Variants in FUCA1 observed in about 807,000 individuals in gnomAD.
FUCA1 encodes the protein tissue alpha-L-fucosidase.
Under a neutral mutation model 56.8 loss-of-function variants are expected in FUCA1, and 52 were observed. The ratio of observed to expected loss-of-function variants is 0.92; its 90% CI spans 0.73 to 1.15. FUCA1 has a LOEUF of 1.15. Among genes scored for constraint, FUCA1 ranks in the 50% most tolerant of loss-of-function variants. The probability of loss-of-function intolerance (pLI) is 0.00; values close to 1 mark genes in which losing one functional copy is unlikely to be tolerated. For missense variants in FUCA1, 568 were observed against 592.6 expected, an observed-to-expected ratio of 0.96 and a Z score of 0.43; for synonymous variants, 230 against 226.6, an observed-to-expected ratio of 1.02 and a Z score of -0.14.
In FUCA1 at chr1:23,867,972, G is replaced by A. The variant is rs1189226253; in HGVS notation, c.315C>T (p.Asp105=). 6.3e-7 allele frequency: 1 copy of A among 1,595,192 alleles called. No homozygotes were observed. The highest frequency in any genetic ancestry group is 1.3e-5 in the African/African-American group (1 of 74,848). Residue 105 remains aspartate (D), a synonymous_variant, in exon 1 of 8, where the codon GAC becomes GAT. Coordinates refer to ENST00000374479, the MANE Select transcript of FUCA1 (RefSeq NM_000147.5). This position sits in a 1 kb window ranked among gnomAD's most constrained non-coding sequence, Gnocchi z 4.9. ...DNYPPGFSYA[D]FGPQFTARFF... ...AGCGCGCAGTGAACTGCGGTCCGAA[G>A]TCGGCGTAGCTGAAGCCGGGCGGGT...
Position 23,859,923 on chromosome 1 carries a change from G to T in FUCA1, c.663-20C>A. 1 of 1,484,502 alleles carries T rather than the reference G, an allele frequency of 6.7e-7. No individual in the cohort carries two copies. Among genetic ancestry groups the T allele is most frequent in the Non-Finnish European group, 9.4e-7 (1 of 1,062,216 alleles). 92.0% of individuals were successfully genotyped at this position (1,484,502 alleles called of 1,614,324 possible). On this transcript the variant is annotated intron_variant, in intron 3 of 7. Transcript: ENST00000374479. Reference sequence around the variant, plus strand: ...TTATAGCTGGAAGACATGTGATCAGGACAGAGCTTATTATCTGAACATGTT... The same window carrying T: ...TTATAGCTGGAAGACATGTGATCAGTACAGAGCTTATTATCTGAACATGTT...
chr1:23,864,770 T>A (rs1639588763), intron 2 of FUCA1, among the ~76,000 whole-genome samples: 1 of 151,452 alleles, frequency 6.6e-6, no homozygotes, highest in African/African-American at 2.4e-5. Flanking sequence ...AGTGGTGCGA[T>A]CTTGGCTCAC....
Position 23,846,067 on chromosome 1 carries a change from T to G in FUCA1, c.1260+7A>C, listed in dbSNP as rs771229488. On this transcript the variant is annotated splice_region_variant and intron_variant, in intron 7 of 7. Coordinates refer to ENST00000374479, the MANE Select transcript of FUCA1 (RefSeq NM_000147.5). ...GTTACATCTTAAGACTGACTAAGCC[T>G]CTTTACCTTTGTAGTTGAGGTAGTT... 15 of 1,604,416 alleles carry G rather than the reference T, an allele frequency of 9.3e-6. 1 individual carries two copies. In the South Asian group the frequency reaches 1.2e-4, roughly 13 times the overall value.
intron 5 of FUCA1, among the ~76,000 whole-genome samples, chr1:23,853,167 G>A (rs1448941982): frequency 1.3e-4 from 15 of 118,976 alleles, no homozygotes; most frequent in East Asian, 5.4e-4. Context: ...GCCCGGCCGC[G>A]ACCCCGTCTG....
chr1:23,858,517 G>A (rs1639441312), intron 4 of FUCA1, among the ~76,000 whole-genome samples: 1 of 152,184 alleles, frequency 6.6e-6, no homozygotes. Flanking sequence ...TACTTTGCAA[G>A]TACGCTAAAA....
intron 6 of FUCA1, 32 bp from the exon 7 acceptor site, chr1:23,846,205 ACCTGACTTGTTAT>A: frequency 7.4e-7 from 1 of 1,352,552 alleles, no homozygotes; most frequent in Non-Finnish European, 1.1e-6. Flanking sequence ...TGTCAAAGAT[ACCTGACTTGTTAT>A]CCTGATATAC....
intron 5 of FUCA1, among the ~76,000 whole-genome samples, chr1:23,853,795 G>C (rs1206552884): frequency 6.6e-6 from 1 of 151,940 alleles, no homozygotes; most frequent in East Asian, 1.9e-4. Flanking sequence ...AACGTGTGCT[G>C]TGTCCACTCA....
At chr1:23,846,663 C>T (rs1379343035) in intron 6 of FUCA1, among the ~76,000 whole-genome samples, 1 of 151,804 alleles carries the variant, frequency 6.6e-6, no homozygotes, top group African/African-American at 2.4e-5. Context: ...CTCACTACAA[C>T]CTCCACTTCC....
chr1:23,859,969 C>T (rs1346323146), intron 3 of FUCA1, 66 bp from the exon 4 acceptor site: 2 of 1,134,720 alleles, frequency 1.8e-6, no homozygotes, highest in Admixed American at 1.7e-5. Flanking sequence ...TCTTATGGAC[C>T]ATTTTTTTTT....
In FUCA1 at chr1:23,846,094, T is replaced by C. The variant is rs1639133209; in HGVS notation, c.1240A>G (p.Ile414Val). 1.9e-6 allele frequency: 3 copies of C among 1,613,592 alleles called. No individual in the cohort carries two copies. The highest frequency in any genetic ancestry group is 1.3e-5 in the African/African-American group (1 of 74,902). Residue 414 changes from isoleucine (I) to valine (V), a missense_variant, in exon 7 of 8, where the codon ATA (isoleucine) becomes GTA (valine). By Grantham distance (29) the Ile-to-Val change is conservative. Coordinates refer to ENST00000374479, the MANE Select transcript of FUCA1 (RefSeq NM_000147.5). ...ENGVLNLESPITTSTTKITML... is the reference protein window; with the variant it reads ...ENGVLNLESPVTTSTTKITML... ...TTTACCTTTGTAGTTGAGGTAGTTA[T>C]GGGGGATTCAAGGTTTAAGACTCCA...
chr1:23,850,379 C>T (rs1639231074), intron 5 of FUCA1, among the ~76,000 whole-genome samples: 1 of 151,508 alleles, frequency 6.6e-6, no homozygotes, highest in Non-Finnish European at 1.5e-5. Flanking sequence ...CTCCAAGTGA[C>T]ACCACACCAT....
At chr1:23,859,497 CAG>C (rs1442434346) in intron 4 of FUCA1, among the ~76,000 whole-genome samples, 14 of 150,882 alleles carry the variant, frequency 9.3e-5, no homozygotes, top group Admixed American at 2.7e-4. Context: ...ACTCGGGAGA[CAG>C]AGGTTGCAGT....
rs376035108 is a variant in FUCA1 at position 23,863,012 on chromosome 1, T to C, written c.662+122A>G. On this transcript the variant is annotated intron_variant, in intron 3 of 7. Coordinates refer to ENST00000374479, the MANE Select transcript of FUCA1 (RefSeq NM_000147.5). ...TTGTCTTAATACAACCACCACTTTT[T>C]ATTATTTTGATGTCTTTTAGGTTTT... 1.2e-4 allele frequency: 126 copies of C among 1,060,534 alleles called. No individual in the cohort carries two copies. The East Asian group carries it at 1.7e-3, about 15-fold the overall frequency. The allele number at this position is 1,060,534 out of a possible 1,614,324, so 65.7% of individuals were successfully genotyped here.
chr1:23,865,212 T>A (rs534302335), intron 2 of FUCA1, among the ~76,000 whole-genome samples: 1 of 152,306 alleles, frequency 6.6e-6, no homozygotes, highest in East Asian at 1.9e-4. Context: ...ATGTTGGGTA[T>A]CCTTCATCTA....
rs867502257 is a variant in FUCA1 at position 23,853,425 on chromosome 1, G to A, written c.969+935C>T. 4.9e-3 allele frequency among the ~76,000 whole-genome samples: 733 copies of A among 150,006 alleles called. 6 individuals are homozygous for A. Among genetic ancestry groups the A allele is most frequent in the African/African-American group, 0.017 (700 of 40,618 alleles). ...AGCCCCCCGCCTGGCCAGCCGCCCC[G>A]TCCGGGAGGGAGGTGGGGGGGTCAG... is the stretch of plus-strand genomic sequence containing the variant. On this transcript the variant is annotated intron_variant, in intron 5 of 7. Transcript: ENST00000374479.
At chr1:23,851,229 T>A (rs971475124) in intron 5 of FUCA1, among the ~76,000 whole-genome samples, 7 of 152,138 alleles carry the variant, frequency 4.6e-5, no homozygotes, top group African/African-American at 1.7e-4. Context: ...CTGGGCATGG[T>A]GGCACGTGCC....
intron 6 of FUCA1, 48 bp downstream of exon 6, chr1:23,848,601 G>T (rs376349096): frequency 4.4e-6 from 7 of 1,575,294 alleles, no homozygotes; most frequent in Non-Finnish European, 6.1e-6. Context: ...TACCAGTTCC[G>T]GATGGGGCAC....
At chr1:23,858,545 C>T (rs1639442358) in intron 4 of FUCA1, among the ~76,000 whole-genome samples, 1 of 152,194 alleles carries the variant, frequency 6.6e-6, no homozygotes. Context: ...TGTAAATGGG[C>T]AGCCATTATG....
intron 3 of FUCA1, 138 bp downstream of exon 3, chr1:23,862,996 T>C: frequency 1.1e-6 from 1 of 931,820 alleles, no homozygotes. Flanking sequence ...TTTGTCTTAA[T>C]ACAACCACCA....
Sources: allele counts gnomAD v4.1 joint callset (sites outside exome capture counted in the v4.1 genomes callset), GRCh38; gene constraint gnomAD v4.1.1; non-coding constraint Gnocchi (gnomAD v3.1); transcripts MANE v1.5; gene names NCBI Gene and HGNC (gene_info 2026-07-23, HGNC 2026-07-21).